Variants in PTGFRN observed in about 807,000 individuals in gnomAD.
The protein encoded by PTGFRN is prostaglandin F2 receptor negative regulator.
PTGFRN carries 35 observed loss-of-function variants against 83.2 expected under a neutral mutation model. The ratio of observed to expected loss-of-function variants is 0.42; its 90% confidence interval spans 0.32 to 0.56. The LOEUF is 0.56. Among genes scored for constraint, PTGFRN ranks in the 20% least tolerant of loss-of-function variants. The pLI, the probability that PTGFRN is intolerant of heterozygous loss-of-function variation, is 0.11. For missense variants in PTGFRN, 1,051 were observed against 1,179.5 expected (o/e 0.89, Z 1.60); for synonymous variants, 519 against 498.6 (o/e 1.04, Z -0.55).
rs1456853077 is a variant in PTGFRN at position 116,961,389 on chromosome 1, C to T, written c.1360C>T (p.Arg454Cys). The change falls in exon 5 of 9, where the codon CGC becomes TGC. Residue 454 changes from arginine (R) to cysteine (C), a missense_variant. By Grantham distance (180) the Arg-to-Cys change is radical. Transcript: ENST00000393203. This position sits in a 1 kb window ranked among gnomAD's most constrained non-coding sequence, Gnocchi z 5.4. ...TTCGTGGTACTACAGGATGAACCGGCGCAGCGACAATGTGGTGACCAGCGA... is the reference window on the plus strand; with the variant it reads ...TTCGTGGTACTACAGGATGAACCGGTGCAGCGACAATGTGGTGACCAGCGA... ...TVSWYYRMNRRSDNVVTSELL... is the reference protein window; with the variant it reads ...TVSWYYRMNRCSDNVVTSELL... The T allele has an allele frequency of 8.7e-6, 14 of 1,612,220 alleles. No individual in the cohort carries two copies. The highest frequency in any genetic ancestry group is 1.3e-5 in the African/African-American group (1 of 74,820).
chr1:116,935,224 C>T (rs1036657296), intron 1 of PTGFRN, among the ~76,000 whole-genome samples: 2 of 152,166 alleles, frequency 1.3e-5, no homozygotes, highest in Non-Finnish European at 1.5e-5. Context: ...CAAACTCTGA[C>T]CTTCTTAGTA....
rs777501487 is a variant in PTGFRN, at chr1:116,986,781, C to G, written c.2474-20C>G. 6.2e-7 allele frequency: 1 copy of G among 1,612,664 alleles called. No homozygotes were observed. The highest frequency in any genetic ancestry group is 8.5e-7 in the Non-Finnish European group (1 of 1,179,438). The stretch of plus-strand genomic sequence containing the variant: ...CCCTCGCAGCACTGACTGGCTTCCC[C>G]TTTGATCTCTCCCTCCCAGTGCTGA... On this transcript the variant is annotated intron_variant, in intron 8 of 8. Coordinates refer to ENST00000393203, the MANE Select transcript of PTGFRN (RefSeq NM_020440.4).
At chr1:116,919,437 A>C (rs1052834659) in intron 1 of PTGFRN, among the ~76,000 whole-genome samples, 1 of 151,930 alleles carries the variant, frequency 6.6e-6, no homozygotes, top group African/African-American at 2.4e-5. Context: ...GGTCTCTGTC[A>C]CCCAGGCTGG....
chr1:116,929,727 C>T (rs1172263072), intron 1 of PTGFRN, among the ~76,000 whole-genome samples: 1 of 152,214 alleles, frequency 6.6e-6, no homozygotes, highest in Non-Finnish European at 1.5e-5. Context: ...TCTACTTCAT[C>T]ACTGTCTCTT....
At chr1:116,986,713 GC>G in intron 8 of PTGFRN, 87 bp from the exon 9 acceptor site, 1 of 1,328,792 alleles carries the variant, frequency 7.5e-7, no homozygotes, top group East Asian at 2.3e-5. Context: ...GGGAGATCCT[GC>G]TCCAGTGGGG....
chr1:116,942,510 A>C (rs1269576244), intron 2 of PTGFRN, among the ~76,000 whole-genome samples: 2 of 152,186 alleles, frequency 1.3e-5, no homozygotes, highest in African/African-American at 4.8e-5. Flanking sequence ...AGGACAGCTG[A>C]GTTACCAGGT....
intron 1 of PTGFRN, among the ~76,000 whole-genome samples, chr1:116,938,905 C>G (rs1010604128): frequency 3.9e-5 from 6 of 152,336 alleles, no homozygotes; most frequent in Non-Finnish European, 5.9e-5. Flanking sequence ...AAAGGGGCTA[C>G]AGGCCCCATG....
intron 6 of PTGFRN, among the ~76,000 whole-genome samples, chr1:116,973,894 G>A (rs1485065324): frequency 6.6e-6 from 1 of 152,176 alleles, no homozygotes; most frequent in Non-Finnish European, 1.5e-5. Flanking sequence ...TGTTGAACTA[G>A]AACCAGCCCA....
At chr1:116,937,243 G>A (rs577449042) in intron 1 of PTGFRN, among the ~76,000 whole-genome samples, 4 of 152,226 alleles carry the variant, frequency 2.6e-5, no homozygotes, top group East Asian at 1.9e-4. Context: ...AAACAAAAAC[G>A]GCCAGGTCCT....
intron 1 of PTGFRN, among the ~76,000 whole-genome samples, chr1:116,934,878 G>C (rs1051439682): frequency 6.6e-6 from 1 of 152,192 alleles, no homozygotes; most frequent in African/African-American, 2.4e-5. Context: ...CTTTGAGACT[G>C]TCTTTTAGTC....
intron 7 of PTGFRN, among the ~76,000 whole-genome samples, chr1:116,979,721 C>T (rs1307586897): frequency 5.9e-5 from 9 of 152,126 alleles, no homozygotes. Context: ...AAAATTAATT[C>T]AAGATGGATT....
chr1:116,949,436 G>A lies in PTGFRN; in HGVS notation c.1077G>A (p.Leu359=), dbSNP rs1210859524. 2 of 1,614,256 alleles carry A rather than the reference G, an allele frequency of 1.2e-6. No individual in the cohort carries two copies. The highest frequency in any genetic ancestry group is 2.2e-5 in the South Asian group (2 of 91,086). The part of the protein sequence containing the change: ...SHVDARSYHL[L]VRDVSKENSG... ...TGGATGCACGCTCCTACCATTTACT[G>A]GTTCGGGATGTTAGCAAAGAAAACT... The change falls in exon 4 of 9, where the codon CTG becomes CTA. Residue 359 remains leucine, a synonymous_variant. Transcript: ENST00000393203.
intron 4 of PTGFRN, among the ~76,000 whole-genome samples, chr1:116,955,316 C>T (rs544536768): frequency 3.0e-4 from 46 of 152,272 alleles, no homozygotes; most frequent in African/African-American, 1.1e-3. Context: ...TGTGAGAGGG[C>T]TTACAGTGTG....
At chr1:116,921,624 T>C (rs1347928621) in intron 1 of PTGFRN, among the ~76,000 whole-genome samples, 1 of 151,938 alleles carries the variant, frequency 6.6e-6, no homozygotes, top group East Asian at 1.9e-4. Context: ...TACTTTGCTT[T>C]GTAATCTTTT....
intron 1 of PTGFRN, among the ~76,000 whole-genome samples, chr1:116,932,071 G>T (rs147504083): frequency 6.6e-6 from 1 of 152,184 alleles, no homozygotes; most frequent in Non-Finnish European, 1.5e-5. Flanking sequence ...AGCAGAAATA[G>T]AAACAATTGC....
rs760942364 is a variant in PTGFRN at position 116,944,747 on chromosome 1, G to A, written c.487G>A (p.Glu163Lys). 101 of 1,488,238 alleles carry A rather than the reference G, an allele frequency of 6.8e-5. No homozygotes were observed. The highest frequency in any genetic ancestry group is 8.6e-5 in the Non-Finnish European group (97 of 1,126,456). 92.2% of individuals were successfully genotyped at this position (1,488,238 alleles called of 1,614,324 possible). A position where few individuals can be genotyped will look rare whatever the true frequency, so the allele number is the denominator to read the frequency against. The stretch of plus-strand genomic sequence containing the variant: ...GCCGAGCCTGAGCCTGCGGGAGGGG[G>A]AGCCCTTCGAGCTGCGCTGCACCGC... ...PPPSLSLREGEPFELRCTAAS... is the reference protein window; with the variant it reads ...PPPSLSLREGKPFELRCTAAS... Residue 163 changes from glutamate to lysine, a missense_variant, in exon 3 of 9, where the codon GAG becomes AAG. Coordinates refer to ENST00000393203, the MANE Select transcript of PTGFRN (RefSeq NM_020440.4).
At chr1:116,926,481 A>T (rs1388707261) in intron 1 of PTGFRN, among the ~76,000 whole-genome samples, 1 of 152,246 alleles carries the variant, frequency 6.6e-6, no homozygotes, top group Non-Finnish European at 1.5e-5. Context: ...CCTTGGACAG[A>T]GAATTGTTTA....
At chr1:116,982,261 A>G (rs1409951475) in intron 7 of PTGFRN, among the ~76,000 whole-genome samples, 1 of 152,224 alleles carries the variant, frequency 6.6e-6, no homozygotes, top group East Asian at 1.9e-4. Context: ...CCTTTAATAT[A>G]AAAGCCTTTT....
intron 6 of PTGFRN, among the ~76,000 whole-genome samples, chr1:116,968,735 A>G (rs1650909562): frequency 6.6e-6 from 1 of 152,068 alleles, no homozygotes; most frequent in Non-Finnish European, 1.5e-5. Context: ...CCTGGCAACC[A>G]CTAATTTACT....
Sources: gnomAD v4.1 joint callset for allele counts (sites outside exome capture counted in the v4.1 genomes callset) on GRCh38, gnomAD v4.1.1 for gene constraint, Gnocchi (gnomAD v3.1) non-coding constraint, MANE v1.5 for transcripts, NCBI Gene and HGNC (gene_info 2026-07-23, HGNC 2026-07-21) for gene names.